The following PYGO1 variants were observed in gnomAD, a reference collection of about 807,000 sequenced individuals.
PYGO1 encodes pygopus family PHD finger 1, also known as pygopus homolog 1.
Under a neutral mutation model 29.5 loss-of-function variants are expected in PYGO1, and 6 were observed. The ratio of observed to expected loss-of-function variants is 0.20; its 90% CI spans 0.11 to 0.40. The LOEUF is 0.40. Ranked by LOEUF, PYGO1 falls within the 10% of genes least tolerant of loss-of-function variation. The pLI, the probability that PYGO1 is intolerant of heterozygous loss-of-function variation, is 1.00. For synonymous variants in PYGO1, 186 were observed against 180.5 expected, an observed-to-expected ratio of 1.03 and a Z score of -0.24; for missense variants, 515 against 514.9, an observed-to-expected ratio of 1.00 and a Z score of 0.00.
intron 1 of PYGO1, among the ~76,000 whole-genome samples, chr15:55,568,442 C>T (rs1249550861): frequency 1.3e-5 from 2 of 150,402 alleles, no homozygotes; most frequent in South Asian, 2.1e-4. Context: ...AGTTTTTGAA[C>T]GTTGATTTTG....
intron 1 of PYGO1, among the ~76,000 whole-genome samples, chr15:55,556,546 G>A (rs762195648): frequency 1.3e-5 from 2 of 152,170 alleles, no homozygotes; most frequent in Non-Finnish European, 2.9e-5. Context: ...CAAAAAGCTC[G>A]AAAGATCTCA....
rs565820457 is a variant in PYGO1 at position 55,574,742 on chromosome 15, A to AT, written c.49+13092dup. Reference sequence around the variant, plus strand: ...TATCTTTATAAGGACAGCTAATGTCATTTATTTTTTATCTACCTACAATAT... The same window carrying AT: ...TATCTTTATAAGGACAGCTAATGTCATTTTATTTTTTATCTACCTACAATAT... On this transcript the variant is annotated intron_variant, in intron 1 of 2. Transcript: ENST00000563719. 1.2e-4 allele frequency among the ~76,000 whole-genome samples: 19 copies of AT among 152,248 alleles called. No individual in the cohort carries two copies. In the South Asian group the frequency reaches 3.9e-3, roughly 32 times the overall value.
In PYGO1 at chr15:55,547,215, C is replaced by T. The variant is rs569418752; in HGVS notation, c.136-68G>A. On this transcript the variant is annotated intron_variant, in intron 2 of 2. Coordinates refer to ENST00000563719, the MANE Select transcript of PYGO1 (RefSeq NM_001367806.1). ...TACATTATTAAAATTGTCCTGTTACCTTAATACCTGTGAACCTAGTATTAG... is the reference window on the plus strand; with the variant it reads ...TACATTATTAAAATTGTCCTGTTACTTTAATACCTGTGAACCTAGTATTAG... The T allele has an allele frequency of 4.2e-4, 574 of 1,376,352 alleles. 5 individuals are homozygous for T. In the African/African-American group the frequency reaches 7.7e-3, roughly 19 times the overall value. 85.3% of individuals were successfully genotyped at this position (1,376,352 alleles called of 1,614,324 possible). A position where few individuals can be genotyped will look rare whatever the true frequency, so the allele number is the denominator to read the frequency against.
intron 1 of PYGO1, among the ~76,000 whole-genome samples, chr15:55,578,167 T>A (rs1415791233): frequency 6.6e-6 from 1 of 152,224 alleles, no homozygotes; most frequent in African/African-American, 2.4e-5. Flanking sequence ...GTAGTATGTA[T>A]CAGTATTTCA....
intron 1 of PYGO1, among the ~76,000 whole-genome samples, chr15:55,583,446 C>T (rs2059033698): frequency 1.3e-5 from 2 of 150,830 alleles, no homozygotes; most frequent in Non-Finnish European, 3.0e-5. Context: ...TTTCTGTCTA[C>T]CATCAAGCTT....
chr15:55,556,832 A>G (rs1408815722), intron 1 of PYGO1, among the ~76,000 whole-genome samples: 1 of 152,132 alleles, frequency 6.6e-6, no homozygotes, highest in African/African-American at 2.4e-5. Context: ...CAGAAATACA[A>G]TACAGAAATA....
intron 1 of PYGO1, among the ~76,000 whole-genome samples, chr15:55,584,400 T>A (rs479153): frequency 1.1e-4 from 17 of 152,190 alleles, no homozygotes; most frequent in African/African-American, 2.9e-4. Flanking sequence ...CGTGAGCCAC[T>A]GCGCCCAGCC....
Position 55,571,717 on chromosome 15 carries a change from A to G in PYGO1, c.49+16118T>C, listed in dbSNP as rs566529960. On this transcript the variant is annotated intron_variant, in intron 1 of 2. Coordinates refer to ENST00000563719, the MANE Select transcript of PYGO1 (RefSeq NM_001367806.1). ...ACCTCTTTTTATCTATAAATCATCC[A>G]GTCTTGGGTATGTCTTTATCAGCAG... 2.2e-4 allele frequency among the ~76,000 whole-genome samples: 34 copies of G among 152,204 alleles called. No individual in the cohort carries two copies. In the South Asian group the frequency reaches 7.1e-3, roughly 32 times the overall value.
upstream of PYGO1, chr15:55,588,901 A>G (rs1595999294): frequency 6.3e-7 from 1 of 1,585,112 alleles, no homozygotes; most frequent in Non-Finnish European, 8.7e-7. Context: ...CGTGGTGTGG[A>G]CACCTGTCTG....
At position 55,554,468 on chromosome 15, in the gene PYGO1, C is replaced by CAAAA. The variant is rs56216226; in HGVS notation, c.50-5477_50-5474dup. 1.4e-3 allele frequency among the ~76,000 whole-genome samples: 168 copies of CAAAA among 122,772 alleles called. 2 individuals carry two copies. The highest frequency in any genetic ancestry group is 3.7e-3 in the African/African-American group (113 of 30,300). The allele number at this position is 122,772 out of a possible 152,430, so 80.5% of individuals were successfully genotyped here. A position where few individuals can be genotyped will look rare whatever the true frequency, so the allele number is the denominator to read the frequency against. On this transcript the variant is annotated intron_variant, in intron 1 of 2. Coordinates refer to ENST00000563719, the MANE Select transcript of PYGO1 (RefSeq NM_001367806.1). ...TGGGTGACAGAGCAAGACTCTGTCT[C>CAAAA]AAAAAAAAAAAAAAAAAAAAAAAAA...
At chr15:55,562,604 G>C (rs1024751740) in intron 1 of PYGO1, among the ~76,000 whole-genome samples, 1 of 151,854 alleles carries the variant, frequency 6.6e-6, no homozygotes, top group Non-Finnish European at 1.5e-5. Context: ...CTGGGAGGCA[G>C]AGGTTACAGT....
chr15:55,540,939 T>C lies in PYGO1; in HGVS notation c.*5084A>G, dbSNP rs2058825905. 1 of 152,176 alleles carries C rather than the reference T, an allele frequency of 6.6e-6. No individual in the cohort carries two copies. The highest frequency in any genetic ancestry group is 2.4e-5 in the African/African-American group (1 of 41,446). The allele number at this position is 152,176 out of a possible 1,614,324, so 9.4% of individuals were successfully genotyped here. On this transcript the variant is annotated 3_prime_UTR_variant, in exon 3 of 3. Coordinates refer to ENST00000563719, the MANE Select transcript of PYGO1 (RefSeq NM_001367806.1). ...ACAATCATTTAAGTCACATACATCA[T>C]GATAAGAAGCAGGACTTTCTTTTAT...
intron 1 of PYGO1, among the ~76,000 whole-genome samples, chr15:55,581,004 A>C (rs1294833378): frequency 6.6e-6 from 1 of 152,218 alleles, no homozygotes. Flanking sequence ...GTATAAAATA[A>C]ATAAAAGTAA....
chr15:55,543,461 C>G lies in PYGO1; in HGVS notation c.*2562G>C, dbSNP rs1297424675. 6.6e-6 allele frequency: 1 copy of G among 152,104 alleles called. No homozygotes were observed. The highest frequency in any genetic ancestry group is 1.5e-5 in the Non-Finnish European group (1 of 68,008). 9.4% of individuals were successfully genotyped at this position (152,104 alleles called of 1,614,324 possible). ...CGTGAGTTTTTCTTTTGAATATTTACAGATTCTTATTTAAGTAAGGTGCTT... is the reference window on the plus strand; with the variant it reads ...CGTGAGTTTTTCTTTTGAATATTTAGAGATTCTTATTTAAGTAAGGTGCTT... On this transcript the variant is annotated 3_prime_UTR_variant, in exon 3 of 3. Coordinates refer to ENST00000563719, the MANE Select transcript of PYGO1 (RefSeq NM_001367806.1).
chr15:55,586,817 T>C (rs1486725011), intron 1 of PYGO1, among the ~76,000 whole-genome samples: 1 of 152,228 alleles, frequency 6.6e-6, no homozygotes, highest in African/African-American at 2.4e-5. Context: ...CAATCCATAC[T>C]TCCCATCCCC....
chr15:55,572,644 A>C (rs1397145075), intron 1 of PYGO1, among the ~76,000 whole-genome samples: 1 of 152,162 alleles, frequency 6.6e-6, no homozygotes, highest in African/African-American at 2.4e-5. Context: ...TGCAAATCAT[A>C]TATCTCTTAA....
intron 1 of PYGO1, among the ~76,000 whole-genome samples, chr15:55,582,225 A>AAAG (rs2059028026): frequency 6.6e-6 from 1 of 151,126 alleles, no homozygotes; most frequent in Admixed American, 6.6e-5. Context: ...AAAAAAAAAA[A>AAAG]TTAAGGAGAC....
At chr15:55,559,989 G>T (rs190926688) in intron 1 of PYGO1, among the ~76,000 whole-genome samples, 1 of 152,072 alleles carries the variant, frequency 6.6e-6, no homozygotes, top group African/African-American at 2.4e-5. Flanking sequence ...AACACCCTTC[G>T]CGTTGAAAAC....
chr15:55,559,149 C>T (rs527407007), intron 1 of PYGO1, among the ~76,000 whole-genome samples: 2 of 152,006 alleles, frequency 1.3e-5, no homozygotes, highest in Admixed American at 6.6e-5. Context: ...AAAAAAACAA[C>T]CCCATCGAAA....
Sources: allele counts gnomAD v4.1 joint callset (sites outside exome capture counted in the v4.1 genomes callset), GRCh38; gene constraint gnomAD v4.1.1; transcripts MANE v1.5; gene names NCBI Gene and HGNC (gene_info 2026-07-23, HGNC 2026-07-21).